The following ZDHHC15 variants were observed in gnomAD, a reference collection of about 807,000 sequenced individuals.
ZDHHC15 encodes the protein palmitoyltransferase ZDHHC15.
ZDHHC15 carries 19 observed loss-of-function variants against 31.7 expected under a neutral mutation model. The observed-to-expected ratio is 0.60, with a 90% CI of 0.42 to 0.88. The LOEUF is 0.88. Ranked by LOEUF, ZDHHC15 falls within the 40% of genes least tolerant of loss-of-function variation. The pLI is 0.00. For missense variants in ZDHHC15, 209 were observed against 251.2 expected, an observed-to-expected ratio of 0.83 and a Z score of 1.14; for synonymous variants, 103 against 90.0, an observed-to-expected ratio of 1.14 and a Z score of -0.82.
At position 75,490,597 on chromosome X, in the gene ZDHHC15, A is replaced by G. The variant is rs150315719; in HGVS notation, c.164-11612T>C. On this transcript the variant is annotated intron_variant, in intron 2 of 11. Transcript: ENST00000373367. ...TACCTTGGGCAGTATGGCAATTTTC[A>G]TGATACTGATTCGTCCTCCCCATGT... 7.9e-3 allele frequency among the ~76,000 whole-genome samples: 888 copies of G among 111,793 alleles called. 11 individuals carry two copies. The highest frequency in any genetic ancestry group is 0.026 in the African/African-American group (814 of 30,761).
intron 9 of ZDHHC15, among the ~76,000 whole-genome samples, chrX:75,418,968 A>G (rs2083584520): frequency 1.8e-5 from 2 of 112,617 alleles, no homozygotes; most frequent in Admixed American, 1.9e-4. Flanking sequence ...GGATTTGATT[A>G]TACTAAAGAG....
At chrX:75,451,316 TA>T (rs2084113910) in intron 3 of ZDHHC15, among the ~76,000 whole-genome samples, 1 of 111,945 alleles carries the variant, frequency 8.9e-6, no homozygotes, top group Non-Finnish European at 1.9e-5. Context: ...TGTTGATAAT[TA>T]ACCATGCTTA....
At chrX:75,492,051 C>T (rs1279803586) in intron 2 of ZDHHC15, among the ~76,000 whole-genome samples, 2 of 111,234 alleles carry the variant, frequency 1.8e-5, no homozygotes, top group Non-Finnish European at 3.8e-5. Flanking sequence ...AAACCCATGT[C>T]ATGTGCAGAG....
intron 10 of ZDHHC15, among the ~76,000 whole-genome samples, chrX:75,394,524 A>G (rs2083279892): frequency 1.8e-5 from 2 of 111,774 alleles, no homozygotes; most frequent in African/African-American, 6.5e-5. Flanking sequence ...AAAGGAATGG[A>G]AAAAGATATT....
At chrX:75,483,313 T>C (rs770275585) in intron 2 of ZDHHC15, among the ~76,000 whole-genome samples, 3 of 110,070 alleles carry the variant, frequency 2.7e-5, no homozygotes, top group African/African-American at 9.9e-5. Flanking sequence ...AGAGAAAAAA[T>C]GGGCCAGGCG....
intron 3 of ZDHHC15, among the ~76,000 whole-genome samples, chrX:75,459,469 C>T (rs55702739): frequency 0.082 from 9,149 of 111,261 alleles, 386 homozygotes; most frequent in Non-Finnish European, 0.12. Context: ...GCCATTCCAG[C>T]CTGCCAGCTT....
intron 4 of ZDHHC15, among the ~76,000 whole-genome samples, chrX:75,449,595 C>T (rs1332335961): frequency 8.9e-6 from 1 of 112,034 alleles, no homozygotes; most frequent in Non-Finnish European, 1.9e-5. Context: ...ATCATAACCA[C>T]TATATTATTG....
intron 3 of ZDHHC15, among the ~76,000 whole-genome samples, chrX:75,465,470 T>C (rs867838618): frequency 9.8e-5 from 11 of 111,707 alleles, no homozygotes; most frequent in South Asian, 7.4e-4. Flanking sequence ...AAAATTCGTA[T>C]GGAACCAAAA....
At chrX:75,435,832 G>C (rs780768709) in intron 4 of ZDHHC15, among the ~76,000 whole-genome samples, 1 of 111,722 alleles carries the variant, frequency 9.0e-6, no homozygotes, top group East Asian at 2.8e-4. Flanking sequence ...CCTGGTTTTT[G>C]GTACTAGGGT....
rs749682388 is a variant in ZDHHC15, at chrX:75,441,576, A to G, written c.379+9226T>C. 7.5e-5 allele frequency among the ~76,000 whole-genome samples: 8 copies of G among 107,229 alleles called. No homozygotes were observed. In the Admixed American group the frequency reaches 8.0e-4, roughly 11 times the overall value. The allele number at this position is 107,229 out of a possible 115,157, so 93.1% of individuals were successfully genotyped here. A position where few individuals can be genotyped will look rare whatever the true frequency, so the allele number is the denominator to read the frequency against. On this transcript the variant is annotated intron_variant, in intron 4 of 11. Coordinates refer to ENST00000373367, the MANE Select transcript of ZDHHC15 (RefSeq NM_144969.3). ...AGTGGCAAGATGCTTCTTTCAAAGG[A>G]TCTGTGAATTCTTTCCGCTTTCCTG...
intron 10 of ZDHHC15, among the ~76,000 whole-genome samples, chrX:75,409,145 A>G (rs1480065397): frequency 3.6e-5 from 4 of 111,603 alleles, no homozygotes; most frequent in African/African-American, 1.3e-4. Flanking sequence ...AGCCAAAGCA[A>G]TCCTGAACAA....
At chrX:75,415,066 GCCCGGCCATACAAGCA>G (rs1184549091) in intron 10 of ZDHHC15, among the ~76,000 whole-genome samples, 1 of 110,769 alleles carries the variant, frequency 9.0e-6, no homozygotes, top group Non-Finnish European at 1.9e-5. Flanking sequence ...GAGCTACAGC[GCCCGGCCATACAAGCA>G]CATTTATACT....
intron 3 of ZDHHC15, among the ~76,000 whole-genome samples, chrX:75,457,185 T>C (rs1471320069): frequency 6.3e-5 from 7 of 111,700 alleles, no homozygotes; most frequent in Non-Finnish European, 1.9e-5. Context: ...TTGCAAACCA[T>C]ATCATTTGTA....
intron 1 of ZDHHC15, among the ~76,000 whole-genome samples, chrX:75,516,441 A>T (rs1383437377): frequency 5.3e-5 from 6 of 112,399 alleles, no homozygotes; most frequent in Non-Finnish European, 9.4e-5. Flanking sequence ...ACATATCTAT[A>T]ACCATCTGCT....
intron 11 of ZDHHC15, among the ~76,000 whole-genome samples, chrX:75,378,521 T>C (rs1252982382): frequency 2.7e-5 from 3 of 112,053 alleles, no homozygotes; most frequent in South Asian, 3.7e-4. Context: ...ATAAGCTCTA[T>C]GGTATTTCTA....
At chrX:75,449,245 C>T (rs1344516955) in intron 4 of ZDHHC15, among the ~76,000 whole-genome samples, 1 of 73,539 alleles carries the variant, frequency 1.4e-5, no homozygotes, top group Non-Finnish European at 3.1e-5. Context: ...CACACACACA[C>T]ACACACACAA....
At position 75,431,532 on chromosome X, in the gene ZDHHC15, A is replaced by C. The variant is rs1569325195; in HGVS notation, c.380-12T>G. The C allele has an allele frequency of 8.3e-7, 1 of 1,205,650 alleles. No homozygotes were observed. The highest frequency in any genetic ancestry group is 3.0e-5 in the East Asian group (1 of 33,746). ...ACAGAATCGTACAGCTATAAAAAAA[A>C]AAATAAGGTGGTTAGCACTTGTTAG... is the stretch of plus-strand genomic sequence containing the variant. On this transcript the variant is annotated splice_polypyrimidine_tract_variant and intron_variant, in intron 4 of 11. Transcript: ENST00000373367.
chrX:75,449,566 T>C (rs191372930), intron 4 of ZDHHC15, among the ~76,000 whole-genome samples: 1 of 112,159 alleles, frequency 8.9e-6, no homozygotes, highest in East Asian at 2.8e-4. Context: ...TATTTCCATA[T>C]GCATGAAGAC....
At chrX:75,507,358 A>ATT (rs368146129) in intron 1 of ZDHHC15, among the ~76,000 whole-genome samples, 22 of 103,887 alleles carry the variant, frequency 2.1e-4, no homozygotes, top group African/African-American at 6.9e-4. Context: ...GTCCAAGGGA[A>ATT]TTTTTTTTTT....
Sources: allele counts gnomAD v4.1 joint callset (sites outside exome capture counted in the v4.1 genomes callset), GRCh38; gene constraint gnomAD v4.1.1; transcripts MANE v1.5; gene names NCBI Gene and HGNC (gene_info 2026-07-23, HGNC 2026-07-21).